GRM7: variants seen among roughly 807,000 people sequenced by gnomAD.
GRM7 encodes the protein glutamate metabotropic receptor 7.
In GRM7, 35 loss-of-function variants were observed where a neutral mutation model predicts 84.5. The observed-to-expected ratio is 0.41, with a 90% CI of 0.32 to 0.55. The LOEUF (loss-of-function observed/expected upper bound fraction) is 0.55. Ranked by LOEUF, GRM7 falls within the 20% of genes least tolerant of loss-of-function variation. The probability of loss-of-function intolerance (pLI) is 0.19; values close to 1 mark genes in which losing one functional copy is unlikely to be tolerated. For missense variants in GRM7, 1,003 were observed against 1,194.6 expected (o/e 0.84, Z 2.36); for synonymous variants, 487 against 455.1 (o/e 1.07, Z -0.89).
rs147044380 is a variant in GRM7 at position 6,888,873 on chromosome 3, G to A, written c.519+26966G>A. On this transcript the variant is annotated intron_variant, in intron 1 of 9. Coordinates refer to ENST00000357716, the MANE Select transcript of GRM7 (RefSeq NM_000844.4). ...TTCTTCCTACCCATGAGCATGGAAT[G>A]TTCTTCTATTTGTTTGTATCCTCTT... Among the ~76,000 whole-genome samples, 820 of 152,264 alleles carry A rather than the reference G, an allele frequency of 5.4e-3. 9 individuals are homozygous for A. Among genetic ancestry groups the A allele is most frequent in the African/African-American group, 0.019 (783 of 41,524 alleles).
At chr3:7,055,245 G>T (rs558444432) in intron 1 of GRM7, among the ~76,000 whole-genome samples, 2 of 151,162 alleles carry the variant, frequency 1.3e-5, no homozygotes, top group Admixed American at 6.6e-5. Context: ...AGTTGGAGAG[G>T]GTTGCTGCTT....
In GRM7 at chr3:6,863,783, C is replaced by A. The variant is rs928531017; in HGVS notation, c.519+1876C>A. On this transcript the variant is annotated intron_variant, in intron 1 of 9. Coordinates refer to ENST00000357716, the MANE Select transcript of GRM7 (RefSeq NM_000844.4). The surrounding 1 kb of genome is among the most constrained non-coding windows in gnomAD (Gnocchi z 4.8). ...CCCTGTTAGCCTGTGGGGTTAAAGGCACAAAACGTTTTGTGTTTAGTATTT... is the reference window on the plus strand; with the variant it reads ...CCCTGTTAGCCTGTGGGGTTAAAGGAACAAAACGTTTTGTGTTTAGTATTT... 1.3e-5 allele frequency among the ~76,000 whole-genome samples: 2 copies of A among 152,138 alleles called. No individual in the cohort carries two copies. The highest frequency in any genetic ancestry group is 6.5e-5 in the Admixed American group (1 of 15,274).
rs1320073733 is a variant in GRM7 at position 7,151,577 on chromosome 3, C to T, written c.736+4909C>T. On this transcript the variant is annotated intron_variant, in intron 2 of 9. Coordinates refer to ENST00000357716, the MANE Select transcript of GRM7 (RefSeq NM_000844.4). This position sits in a 1 kb window ranked among gnomAD's most constrained non-coding sequence, Gnocchi z 4.5. ...GTCTTTGCCAATTTACTTTAAGCTC[C>T]ATAAGGGCAAGGACATTTTCCTGTG... is the stretch of plus-strand genomic sequence containing the variant. Among the ~76,000 whole-genome samples, 1 of 152,124 alleles carries T rather than the reference C, an allele frequency of 6.6e-6. No homozygotes were observed. The highest frequency in any genetic ancestry group is 1.5e-5 in the Non-Finnish European group (1 of 68,032).
At chr3:6,952,587 T>C (rs1460098931) in intron 1 of GRM7, among the ~76,000 whole-genome samples, 1 of 152,232 alleles carries the variant, frequency 6.6e-6, no homozygotes, top group Admixed American at 6.5e-5. Context: ...TCTCTATGAA[T>C]GCGATAAGCT....
chr3:7,660,906 T>A (rs543342834), intron 8 of GRM7, among the ~76,000 whole-genome samples: 1 of 152,282 alleles, frequency 6.6e-6, no homozygotes, highest in East Asian at 1.9e-4. Context: ...TCTAGAGTAA[T>A]AGTAATATCC....
chr3:7,478,678 G>T (rs2124933312), intron 7 of GRM7, among the ~76,000 whole-genome samples: 1 of 151,976 alleles, frequency 6.6e-6, no homozygotes, highest in South Asian at 2.1e-4. Flanking sequence ...CCCAGGGAAA[G>T]GTTGGGTATG....
Position 6,913,310 on chromosome 3 carries a change from G to A in GRM7, c.519+51403G>A, listed in dbSNP as rs568311182. On this transcript the variant is annotated intron_variant, in intron 1 of 9. Transcript: ENST00000357716. ...TCTGCAAAATTTAGGATTTCACATT[G>A]CACTTATTTGCATTTTATTTCTTTT... Among the ~76,000 whole-genome samples, 8 of 152,182 alleles carry A rather than the reference G, an allele frequency of 5.3e-5. No individual in the cohort carries two copies. The East Asian group carries it at 1.3e-3, about 26-fold the overall frequency.
At chr3:7,247,108 TA>T (rs1697792047) in intron 2 of GRM7, among the ~76,000 whole-genome samples, 1 of 152,092 alleles carries the variant, frequency 6.6e-6, no homozygotes, top group Non-Finnish European at 1.5e-5. Context: ...TCTACATATT[TA>T]AAAAAATAAA....
intron 8 of GRM7, among the ~76,000 whole-genome samples, chr3:7,617,510 A>ATTTT (rs1281544321): frequency 3.0e-4 from 46 of 152,280 alleles, no homozygotes; most frequent in African/African-American, 1.1e-3. Flanking sequence ...AATCAGAAGA[A>ATTTT]CTTTCTAAGT....
intron 2 of GRM7, among the ~76,000 whole-genome samples, chr3:7,212,247 G>C (rs1696456118): frequency 6.7e-6 from 1 of 148,578 alleles, no homozygotes; most frequent in African/African-American, 2.5e-5. Context: ...TCCAGGCCTA[G>C]TATTTCATTT....
intron 1 of GRM7, among the ~76,000 whole-genome samples, chr3:7,124,431 G>A (rs1249709361): frequency 6.6e-6 from 1 of 152,048 alleles, no homozygotes; most frequent in Non-Finnish European, 1.5e-5. Context: ...GCTTCAACCC[G>A]GGAGGCGGAG....
At chr3:7,108,472 T>A (rs1275166295) in intron 1 of GRM7, among the ~76,000 whole-genome samples, 1 of 151,210 alleles carries the variant, frequency 6.6e-6, no homozygotes, top group Admixed American at 6.6e-5. Context: ...ACTGTGACTT[T>A]ACAGTACCTT....
chr3:7,646,100 A>G (rs1402117761), intron 8 of GRM7, among the ~76,000 whole-genome samples: 2 of 152,208 alleles, frequency 1.3e-5, no homozygotes, highest in Non-Finnish European at 2.9e-5. Flanking sequence ...TCTTGTGTCC[A>G]TGCAGGGCCC....
intron 1 of GRM7, among the ~76,000 whole-genome samples, chr3:6,926,252 C>A (rs1377208207): frequency 6.6e-6 from 1 of 152,130 alleles, no homozygotes; most frequent in African/African-American, 2.4e-5. Context: ...TCTTTCATAT[C>A]CATTGATCTA....
At chr3:7,005,103 G>GC (rs781087266) in intron 1 of GRM7, among the ~76,000 whole-genome samples, 22 of 152,200 alleles carry the variant, frequency 1.4e-4, no homozygotes, top group Non-Finnish European at 1.3e-4. Context: ...GAGACATATG[G>GC]CCAGATGGCA....
chr3:7,042,839 T>G (rs1574827788), intron 1 of GRM7, among the ~76,000 whole-genome samples: 2 of 152,336 alleles, frequency 1.3e-5, no homozygotes, highest in Middle Eastern at 6.8e-3. Context: ...TGTCTGATAA[T>G]TTTTGATTGT....
At chr3:7,716,207 T>A (rs1701765421) in intron 9 of GRM7, among the ~76,000 whole-genome samples, 1 of 152,192 alleles carries the variant, frequency 6.6e-6, no homozygotes, top group South Asian at 2.1e-4. Context: ...TGTATCCATG[T>A]CCATTTGCAT....
At chr3:7,193,215 A>T (rs1695773201) in intron 2 of GRM7, among the ~76,000 whole-genome samples, 1 of 152,168 alleles carries the variant, frequency 6.6e-6, no homozygotes, top group Non-Finnish European at 1.5e-5. Flanking sequence ...GGATAGGTAG[A>T]TAGCTGAATG....
At chr3:7,720,151 CA>C (rs1701896126) in intron 9 of GRM7, among the ~76,000 whole-genome samples, 1 of 152,152 alleles carries the variant, frequency 6.6e-6, no homozygotes, top group South Asian at 2.1e-4. Flanking sequence ...TGAAACTTGA[CA>C]ATCTCTCACA....
Sources: gnomAD v4.1 joint callset for allele counts (sites outside exome capture counted in the v4.1 genomes callset) on GRCh38, gnomAD v4.1.1 for gene constraint, Gnocchi (gnomAD v3.1) non-coding constraint, MANE v1.5 for transcripts, NCBI Gene and HGNC (gene_info 2026-07-23, HGNC 2026-07-21) for gene names.